Variants in OLAH observed in about 807,000 individuals in gnomAD.
OLAH encodes oleoyl-ACP hydrolase.
In OLAH, 33 loss-of-function variants were observed where a neutral mutation model predicts 27.8. The ratio of observed to expected loss-of-function variants is 1.19; its 90% CI spans 0.90 to 1.59. The LOEUF (loss-of-function observed/expected upper bound fraction) is 1.59. Among genes scored for constraint, OLAH ranks in the 40% most tolerant of loss-of-function variants. OLAH has a pLI of 0.00. For synonymous variants in OLAH, 120 were observed against 102.9 expected (o/e 1.17, Z -1.01); for missense variants, 359 against 310.8 (o/e 1.16, Z -1.17).
Position 15,061,867 on chromosome 10 carries a change from T to A in OLAH, c.302+5T>A. The A allele has an allele frequency of 1.2e-6, 2 of 1,612,120 alleles. No homozygotes were observed. The highest frequency in any genetic ancestry group is 1.3e-5 in the African/African-American group (1 of 74,946). ...ATTTGCATTTTTTGGCCACAGGTAT[T>A]TGATATCTGTTTTAAAAGACTTCAG... On this transcript the variant is annotated splice_donor_5th_base_variant and intron_variant, in intron 4 of 7. Transcript: ENST00000378228.
chr10:15,071,582 T>C, intron 6 of OLAH: 1 of 985,406 alleles, frequency 1.0e-6, no homozygotes, highest in Non-Finnish European at 1.2e-6. Flanking sequence ...ACGTGTCACA[T>C]CCTAGAAGTT....
chr10:15,072,763 G>C (rs1045053434), intron 7 of OLAH, among the ~76,000 whole-genome samples: 5 of 151,844 alleles, frequency 3.3e-5, no homozygotes, highest in Admixed American at 6.6e-5. Flanking sequence ...CTGGCCAGAG[G>C]GGGGTTATCT....
chr10:15,051,027 G>A (rs1194928260), intron 3 of OLAH, among the ~76,000 whole-genome samples: 1 of 150,036 alleles, frequency 6.7e-6, no homozygotes, highest in African/African-American at 2.4e-5. Context: ...TTAATGTTAT[G>A]TGCAATTGTA....
intron 3 of OLAH, among the ~76,000 whole-genome samples, chr10:15,052,453 T>C (rs551389259): frequency 6.6e-6 from 1 of 152,306 alleles, no homozygotes; most frequent in Non-Finnish European, 1.5e-5. Flanking sequence ...AAATTTTTTT[T>C]GTAGAGACAG....
At chr10:15,045,502 T>C (rs886720713) in intron 1 of OLAH, among the ~76,000 whole-genome samples, 8 of 152,156 alleles carry the variant, frequency 5.3e-5, no homozygotes, top group African/African-American at 1.9e-4. Context: ...TTCAGGTGAT[T>C]TTTTTCTGAG....
chr10:15,034,115 C>CTTT (rs1285548864), intron 1 of OLAH, among the ~76,000 whole-genome samples: 5 of 77,872 alleles, frequency 6.4e-5, no homozygotes, highest in Non-Finnish European at 1.1e-4. Flanking sequence ...TTTTTTTTTT[C>CTTT]TTTTTTTTTT....
intron 6 of OLAH, among the ~76,000 whole-genome samples, chr10:15,067,473 A>C (rs1226196570): frequency 6.6e-6 from 1 of 152,200 alleles, no homozygotes; most frequent in African/African-American, 2.4e-5. Flanking sequence ...TATTTTTAAA[A>C]AACAAAACAC....
chr10:15,064,352 T>C, intron 4 of OLAH, 51 bp from the exon 5 acceptor site: 1 of 1,050,924 alleles, frequency 9.5e-7, no homozygotes, highest in Non-Finnish European at 1.5e-6. Flanking sequence ...CGGTGGATCA[T>C]CACGAGTTTT....
At chr10:15,034,113 T>C (rs578107597) in intron 1 of OLAH, among the ~76,000 whole-genome samples, 19 of 111,600 alleles carry the variant, frequency 1.7e-4, no homozygotes, top group African/African-American at 5.7e-4. Context: ...TTTTTTTTTT[T>C]TCTTTTTTTT....
chr10:15,067,545 G>A (rs10082455), intron 6 of OLAH, among the ~76,000 whole-genome samples: 104,510 of 152,058 alleles, frequency 0.69, 36,936 homozygotes, highest in East Asian at 0.91. Context: ...AACACCAGAA[G>A]TAACACATTA....
chr10:15,051,072 A>ATT (rs1274385420), intron 3 of OLAH, among the ~76,000 whole-genome samples: 2 of 60,618 alleles, frequency 3.3e-5, no homozygotes, highest in African/African-American at 1.7e-4. Context: ...TATTATTATT[A>ATT]TTATTATTTT....
At chr10:15,061,513 T>A (rs1036189348) in intron 3 of OLAH, among the ~76,000 whole-genome samples, 2 of 152,144 alleles carry the variant, frequency 1.3e-5, no homozygotes, top group Non-Finnish European at 2.9e-5. Context: ...AGGTGTTCCC[T>A]TTATCTTATT....
At chr10:15,070,722 C>G (rs1461826071) in intron 6 of OLAH, among the ~76,000 whole-genome samples, 1 of 151,642 alleles carries the variant, frequency 6.6e-6, no homozygotes, top group Non-Finnish European at 1.5e-5. Context: ...CTCAGGTGAT[C>G]CACCCACCTC....
intron 1 of OLAH, among the ~76,000 whole-genome samples, chr10:15,045,894 G>A (rs1844007412): frequency 6.6e-6 from 1 of 152,056 alleles, no homozygotes; most frequent in Admixed American, 6.6e-5. Context: ...AGCCAAGCCT[G>A]GTGGCGGGTG....
chr10:15,058,103 T>C (rs1457675867), intron 3 of OLAH, among the ~76,000 whole-genome samples: 1 of 152,246 alleles, frequency 6.6e-6, no homozygotes, highest in Non-Finnish European at 1.5e-5. Context: ...AAAATTGACA[T>C]CATAACAATA....
intron 3 of OLAH, among the ~76,000 whole-genome samples, chr10:15,050,687 C>G (rs1385524732): frequency 2.0e-5 from 3 of 151,876 alleles, no homozygotes; most frequent in East Asian, 1.9e-4. Flanking sequence ...ACTACAGGCG[C>G]CTGCCACAGC....
intron 3 of OLAH, among the ~76,000 whole-genome samples, chr10:15,058,920 T>TTCTTTCCC (rs1844299087): frequency 7.3e-6 from 1 of 136,124 alleles, no homozygotes; most frequent in Non-Finnish European, 1.6e-5. Context: ...ATTTCTCCCC[T>TTCTTTCCC]TCCTTCCCTC....
chr10:15,059,089 CTCCCTCCCTCCCTCTCTCCT>C (rs1844309000), intron 3 of OLAH, among the ~76,000 whole-genome samples: 2 of 53,340 alleles, frequency 3.7e-5, no homozygotes, highest in Non-Finnish European at 8.3e-5. Context: ...CCTTCCTTCC[CTCCCTCCCTCCCTCTCTCCT>C]TCCCTCCCTC....
intron 3 of OLAH, among the ~76,000 whole-genome samples, chr10:15,053,234 T>A (rs1176051811): frequency 2.0e-5 from 3 of 152,102 alleles, no homozygotes; most frequent in East Asian, 3.9e-4. Flanking sequence ...TATCAGGTGA[T>A]GGTCAGGCAG....
Sources: gnomAD v4.1 joint callset for allele counts (sites outside exome capture counted in the v4.1 genomes callset) on GRCh38, gnomAD v4.1.1 for gene constraint, MANE v1.5 for transcripts, NCBI Gene and HGNC (gene_info 2026-07-23, HGNC 2026-07-21) for gene names.